Variants in RHBDL3 observed in about 807,000 individuals in gnomAD.
RHBDL3 encodes rhomboid like 3.
A neutral mutation model predicts 48.2 loss-of-function variants in RHBDL3; 28 were observed. The observed-to-expected ratio is 0.58, with a 90% confidence interval of 0.43 to 0.80. The LOEUF (loss-of-function observed/expected upper bound fraction) is 0.80. Among genes scored for constraint, RHBDL3 ranks in the 30% least tolerant of loss-of-function variants. The pLI is 0.00. For synonymous variants in RHBDL3, 208 were observed against 232.3 expected (o/e 0.90, Z 0.95); for missense variants, 464 against 542.7 (o/e 0.85, Z 1.44).
intron 2 of RHBDL3, among the ~76,000 whole-genome samples, chr17:32,275,463 G>T (rs1379264168): frequency 6.6e-6 from 1 of 152,220 alleles, no homozygotes; most frequent in Non-Finnish European, 1.5e-5. Context: ...TCCCCCAGGG[G>T]CGGGAAGGAA....
chr17:32,309,179 A>AGTGTGTGTGTGTGTGTGT (rs61558385), intron 7 of RHBDL3, among the ~76,000 whole-genome samples: 2 of 149,622 alleles, frequency 1.3e-5, no homozygotes, highest in African/African-American at 2.4e-5. Flanking sequence ...GAAGGTTTGG[A>AGTGTGTGTGTGTGTGTGT]GTGTGTGTGT....
At chr17:32,269,941 C>T (rs369807453) in intron 2 of RHBDL3, among the ~76,000 whole-genome samples, 4 of 151,904 alleles carry the variant, frequency 2.6e-5, no homozygotes, top group East Asian at 1.9e-4. Flanking sequence ...TCTATTAAAT[C>T]GAATTTTTCC....
At chr17:32,282,804 A>G (rs1196790505) in intron 2 of RHBDL3, among the ~76,000 whole-genome samples, 1 of 151,988 alleles carries the variant, frequency 6.6e-6, no homozygotes, top group Non-Finnish European at 1.5e-5. Flanking sequence ...TTGTATTTTT[A>G]TTACAGACGG....
At chr17:32,304,396 G>C (rs778460838) in intron 6 of RHBDL3, among the ~76,000 whole-genome samples, 1 of 152,208 alleles carries the variant, frequency 6.6e-6, no homozygotes, top group Non-Finnish European at 1.5e-5. Context: ...AGTTTGGGGC[G>C]TGGCTGCTAG....
chr17:32,278,120 A>T (rs2039956485), intron 2 of RHBDL3, among the ~76,000 whole-genome samples: 1 of 152,126 alleles, frequency 6.6e-6, no homozygotes, highest in South Asian at 2.1e-4. Context: ...CAACATGGTG[A>T]AACCTCGTCT....
At position 32,316,276 on chromosome 17, in the gene RHBDL3, T is replaced by C. The variant is rs758506681; in HGVS notation, c.927T>C (p.Ala309=). 6.2e-7 allele frequency: 1 copy of C among 1,613,702 alleles called. No individual in the cohort carries two copies. The highest frequency in any genetic ancestry group is 1.3e-5 in the African/African-American group (1 of 75,024). The change falls in exon 8 of 9, where the codon GCT becomes GCC. Residue 309 remains alanine, a synonymous_variant. Transcript: ENST00000269051. ...MKCQFKLLRM[A]VALICMSMEF... is the part of the protein sequence containing the mutation. ...GCCAGTTCAAGCTGCTGCGGATGGCTGTGGCCCTTATCTGTAGTAAGTACT... is the reference window on the plus strand; with the variant it reads ...GCCAGTTCAAGCTGCTGCGGATGGCCGTGGCCCTTATCTGTAGTAAGTACT...
chr17:32,270,675 C>T (rs1311708332), intron 2 of RHBDL3, among the ~76,000 whole-genome samples: 1 of 152,078 alleles, frequency 6.6e-6, no homozygotes, highest in African/African-American at 2.4e-5. Flanking sequence ...CACGCACCCT[C>T]ACTCCCCCGA....
intron 4 of RHBDL3, among the ~76,000 whole-genome samples, chr17:32,292,431 ATATTCATAATAGCAT>A (rs1340878869): frequency 6.6e-6 from 1 of 152,208 alleles, no homozygotes; most frequent in Admixed American, 6.5e-5. Context: ...TGATACACCC[ATATTCATAATAGCAT>A]TATTCACAAT....
chr17:32,293,592 AC>A (rs2040383361), intron 4 of RHBDL3, among the ~76,000 whole-genome samples: 1 of 151,566 alleles, frequency 6.6e-6, no homozygotes, highest in Non-Finnish European at 1.5e-5. Flanking sequence ...AAAAAAAAAA[AC>A]CCAAAAAACT....
intron 2 of RHBDL3, chr17:32,280,247 G>A (rs772747969): frequency 2.0e-5 from 3 of 152,430 alleles, no homozygotes; most frequent in South Asian, 2.1e-4. Flanking sequence ...CGGCTGCCCC[G>A]ACCAGCCCCA....
At chr17:32,294,128 CAAAAAAA>C (rs34051934) in intron 4 of RHBDL3, among the ~76,000 whole-genome samples, 159 bp from the exon 5 acceptor site, 1 of 107,732 alleles carries the variant, frequency 9.3e-6, no homozygotes. Context: ...AACTCCATCT[CAAAAAAA>C]AAAAAAAAAA....
intron 3 of RHBDL3, chr17:32,288,473 CCTTA>C: frequency 5.8e-6 from 2 of 347,654 alleles, no homozygotes; most frequent in South Asian, 8.5e-5. Flanking sequence ...GGCTCTGGAG[CCTTA>C]CTGAGTGTGA....
At chr17:32,295,290 T>C (rs1421991876) in intron 5 of RHBDL3, among the ~76,000 whole-genome samples, 1 of 152,198 alleles carries the variant, frequency 6.6e-6, no homozygotes, top group African/African-American at 2.4e-5. Context: ...TGAGCCTCCC[T>C]TCCCCTTAGC....
rs761559210 is a variant in RHBDL3, at chr17:32,320,981, G to C, written c.967G>C (p.Val323Leu). Residue 323 changes from valine to leucine, a missense_variant, in exon 9 of 9, where the codon GTG (valine) becomes CTG (leucine). By Grantham distance (32) the Val-to-Leu change is conservative (BLOSUM62 1). Coordinates refer to ENST00000269051, the MANE Select transcript of RHBDL3 (RefSeq NM_138328.3). ...ICMSMEFGRA[V>L]WLRFHPSAYP... ...AGTGAGCATGGAGTTTGGGCGGGCC[G>C]TGTGGCTCCGCTTCCACCCGTCGGC... 1.9e-6 allele frequency: 3 copies of C among 1,612,996 alleles called. No homozygotes were observed. The highest frequency in any genetic ancestry group is 2.5e-6 in the Non-Finnish European group (3 of 1,179,796).
At chr17:32,315,754 A>G (rs1597693665) in intron 7 of RHBDL3, among the ~76,000 whole-genome samples, 1 of 151,584 alleles carries the variant, frequency 6.6e-6, no homozygotes, top group Non-Finnish European at 1.5e-5. Context: ...CCTTGTGTTG[A>G]CTCATTTGAT....
chr17:32,288,736 G>A, intron 3 of RHBDL3, 56 bp from the exon 4 acceptor site: 1 of 1,337,332 alleles, frequency 7.5e-7, no homozygotes, highest in South Asian at 1.3e-5. Context: ...GGAAGTGGGT[G>A]GGGAGCTCCG....
chr17:32,285,358 G>A (rs187657602), intron 3 of RHBDL3, among the ~76,000 whole-genome samples: 2 of 152,292 alleles, frequency 1.3e-5, no homozygotes, highest in South Asian at 2.1e-4. Context: ...GAAGGGCTGC[G>A]AGTAGGTAGG....
In RHBDL3 at chr17:32,302,763, C is replaced by T. The variant is rs1206700761; in HGVS notation, c.782-2578C>T. On this transcript the variant is annotated intron_variant, in intron 6 of 8. Coordinates refer to ENST00000269051, the MANE Select transcript of RHBDL3 (RefSeq NM_138328.3). ...GAGGTTCCAGAATCGGGACCCGAGC[C>T]GCGGCCCCTGGATCTTAGGCCAAGA... Among the ~76,000 whole-genome samples the T allele has an allele frequency of 5.9e-5, 9 of 152,130 alleles. No individual in the cohort carries two copies. In the East Asian group the frequency reaches 1.7e-3, roughly 29 times the overall value.
chr17:32,295,184 G>C (rs1243408391), intron 5 of RHBDL3, among the ~76,000 whole-genome samples: 1 of 152,232 alleles, frequency 6.6e-6, no homozygotes, highest in African/African-American at 2.4e-5. Context: ...TGGCCCTGGA[G>C]TGGGAACTGG....
Sources: allele counts gnomAD v4.1 joint callset (sites outside exome capture counted in the v4.1 genomes callset), GRCh38; gene constraint gnomAD v4.1.1; transcripts MANE v1.5; gene names NCBI Gene and HGNC (gene_info 2026-07-23, HGNC 2026-07-21).